CDS2: variants seen among roughly 807,000 people sequenced by gnomAD.
CDS2 encodes the protein CDP-diacylglycerol synthase 2.
CDS2 carries 47 observed loss-of-function variants against 59.0 expected under a neutral mutation model. The observed-to-expected ratio is 0.80, with a 90% CI of 0.63 to 1.02. The LOEUF (loss-of-function observed/expected upper bound fraction) is 1.02, where lower values mean the gene tolerates loss of function less well. CDS2 is among the 50% of genes least tolerant of loss of function. The probability of loss-of-function intolerance (pLI) is 0.00; values close to 1 mark genes in which losing one functional copy is unlikely to be tolerated. For missense variants in CDS2, 356 were observed against 558.9 expected, an observed-to-expected ratio of 0.64 and a Z score of 3.66; for synonymous variants, 207 against 206.4, an observed-to-expected ratio of 1.00 and a Z score of -0.02.
intron 1 of CDS2, among the ~76,000 whole-genome samples, chr20:5,136,400 G>A (rs533797842): frequency 6.6e-6 from 1 of 152,314 alleles, no homozygotes; most frequent in South Asian, 2.1e-4. Flanking sequence ...CTAACCAGGT[G>A]TGACTTGGAA....
In CDS2 at chr20:5,134,763, T is replaced by C. The variant is rs1184000778; in HGVS notation, c.57+7614T>C. Among the ~76,000 whole-genome samples, 26 of 152,272 alleles carry C rather than the reference T, an allele frequency of 1.7e-4. No individual in the cohort carries two copies. The East Asian group carries it at 4.8e-3, about 28-fold the overall frequency. On this transcript the variant is annotated intron_variant, in intron 1 of 12. Transcript: ENST00000460006. ...CTCAAATTCCTGACTTCAGGTGATC[T>C]GCCTGCCTTGGCCTTCTACAATGCT...
At chr20:5,141,053 C>A (rs1163001721) in intron 1 of CDS2, among the ~76,000 whole-genome samples, 1 of 152,216 alleles carries the variant, frequency 6.6e-6, no homozygotes, top group African/African-American at 2.4e-5. Flanking sequence ...AATAAAATCT[C>A]CCTCTCTGAC....
rs2123085300 is a variant in CDS2, at chr20:5,196,610, A to G, written c.*6376A>G. 1 of 152,306 alleles carries G rather than the reference A, an allele frequency of 6.6e-6. No homozygotes were observed. Among genetic ancestry groups the G allele is most frequent in the African/African-American group, 2.4e-5 (1 of 41,564 alleles). 9.4% of individuals were successfully genotyped at this position (152,306 alleles called of 1,614,324 possible). Reference sequence around the variant, plus strand: ...GATGCCTTTTTTTGACACCTGCGCTAGGTTCTTGTATGCTGGCTTTTCTTA... The same window carrying G: ...GATGCCTTTTTTTGACACCTGCGCTGGGTTCTTGTATGCTGGCTTTTCTTA... On this transcript the variant is annotated 3_prime_UTR_variant, in exon 13 of 13. Transcript: ENST00000460006.
chr20:5,179,042 T>C (rs1391807245), intron 5 of CDS2, 86 bp downstream of exon 5: 1 of 1,342,396 alleles, frequency 7.4e-7, no homozygotes, highest in African/African-American at 1.4e-5. Context: ...TCTTGGTTAG[T>C]ATACAGTTTT....
chr20:5,185,753 C>T lies in CDS2; in HGVS notation c.760-5C>T. 6.2e-7 allele frequency: 1 copy of T among 1,614,102 alleles called. No homozygotes were observed. The highest frequency in any genetic ancestry group is 8.5e-7 in the Non-Finnish European group (1 of 1,179,926). ...CTTTGCTGAGAACTTGCTCTCTGTC[C>T]ACAGCTGTCCCCGAAGAAGACCTGG... On this transcript the variant is annotated splice_region_variant and splice_polypyrimidine_tract_variant and intron_variant, in intron 8 of 12. Coordinates refer to ENST00000460006, the MANE Select transcript of CDS2 (RefSeq NM_003818.4).
At chr20:5,188,226 C>T (rs1429687098) in intron 10 of CDS2, among the ~76,000 whole-genome samples, 1 of 152,054 alleles carries the variant, frequency 6.6e-6, no homozygotes, top group Non-Finnish European at 1.5e-5. Context: ...GTAAAAGATC[C>T]GTTCAAGTAT....
rs548997682 is a variant in CDS2 at position 5,175,128 on chromosome 20, G to GT, written c.195-48dup. ...CCATATCCCTTGAGTTTGTGCATTG[G>GT]TTTTTTTCTGGGCTCCTAACTGGTG... On this transcript the variant is annotated intron_variant, in intron 2 of 12. Transcript: ENST00000460006. 4,670 of 1,332,138 alleles carry GT rather than the reference G, an allele frequency of 3.5e-3. 12 individuals carry two copies. The highest frequency in any genetic ancestry group is 5.6e-3 in the Middle Eastern group (31 of 5,496). 82.5% of individuals were successfully genotyped at this position (1,332,138 alleles called of 1,614,324 possible).
Position 5,127,016 on chromosome 20 carries a change from G to C in CDS2, c.-77G>C. 1 of 1,381,568 alleles carries C rather than the reference G, an allele frequency of 7.2e-7. No homozygotes were observed. Among genetic ancestry groups the C allele is most frequent in the South Asian group, 1.4e-5 (1 of 69,778 alleles). 85.6% of individuals were successfully genotyped at this position (1,381,568 alleles called of 1,614,324 possible). A position where few individuals can be genotyped will look rare whatever the true frequency, so the allele number is the denominator to read the frequency against. ...GGGGCGGGGCCGGCCGTGGGAGTCC[G>C]CGCGTGCCCGCGCCGAGCTGCCTGC... On this transcript the variant is annotated 5_prime_UTR_variant, in exon 1 of 13. Coordinates refer to ENST00000460006, the MANE Select transcript of CDS2 (RefSeq NM_003818.4).
At chr20:5,153,516 A>C (rs966667570) in intron 1 of CDS2, among the ~76,000 whole-genome samples, 3 of 152,228 alleles carry the variant, frequency 2.0e-5, no homozygotes, top group Non-Finnish European at 4.4e-5. Flanking sequence ...GGTAGGTCTC[A>C]ACCTATAGTT....
At chr20:5,164,296 G>A (rs935516958) in intron 1 of CDS2, among the ~76,000 whole-genome samples, 3 of 152,166 alleles carry the variant, frequency 2.0e-5, no homozygotes, top group African/African-American at 7.2e-5. Flanking sequence ...GCCCCAGGGT[G>A]CTTGTCTGCC....
At chr20:5,177,335 C>T (rs1160243396) in intron 4 of CDS2, among the ~76,000 whole-genome samples, 1 of 151,980 alleles carries the variant, frequency 6.6e-6, no homozygotes. Context: ...TTACTGGTTT[C>T]CAGACTGTGG....
intron 9 of CDS2, 21 bp downstream of exon 9, chr20:5,185,847 G>A (rs1315994940): frequency 1.9e-6 from 3 of 1,612,548 alleles, no homozygotes; most frequent in South Asian, 1.1e-5. Context: ...GCTTTCAGCT[G>A]TGTAAGGGAT....
At chr20:5,179,225 G>A (rs1239809852) in intron 5 of CDS2, among the ~76,000 whole-genome samples, 2 of 151,128 alleles carry the variant, frequency 1.3e-5, no homozygotes, top group African/African-American at 4.9e-5. Flanking sequence ...AAGTTGAAGC[G>A]ATCCTCCCAC....
intron 1 of CDS2, among the ~76,000 whole-genome samples, chr20:5,129,604 G>A (rs1056026535): frequency 2.6e-5 from 4 of 152,034 alleles, no homozygotes; most frequent in Non-Finnish European, 5.9e-5. Context: ...TACCATGCCC[G>A]GCTAATGTTG....
Position 5,191,707 on chromosome 20 carries a change from G to A in CDS2, c.*1473G>A, listed in dbSNP as rs1055192154. 1 of 152,120 alleles carries A rather than the reference G, an allele frequency of 6.6e-6. No individual in the cohort carries two copies. The highest frequency in any genetic ancestry group is 2.4e-5 in the African/African-American group (1 of 41,422). 9.4% of individuals were successfully genotyped at this position (152,120 alleles called of 1,614,324 possible). On this transcript the variant is annotated 3_prime_UTR_variant, in exon 13 of 13. Transcript: ENST00000460006. ...GTGTCCAGCAGAGGATGGAGCCCTC[G>A]GGATGTTTCAGCTCACACATCCTTG...
intron 5 of CDS2, 66 bp downstream of exon 5, chr20:5,179,022 T>C: frequency 6.6e-7 from 1 of 1,510,708 alleles, no homozygotes; most frequent in African/African-American, 1.4e-5. Context: ...CAGGTAGGAA[T>C]TGGGGAATTT....
rs34764405 is a variant in CDS2 at position 5,133,010 on chromosome 20, CA to C, written c.57+5876del. Among the ~76,000 whole-genome samples the C allele has an allele frequency of 6.2e-3, 838 of 135,820 alleles. 3 individuals are homozygous for C. Among genetic ancestry groups the C allele is most frequent in the Middle Eastern group, 0.011 (3 of 270 alleles). The allele number at this position is 135,820 out of a possible 152,430, so 89.1% of individuals were successfully genotyped here. A position where few individuals can be genotyped will look rare whatever the true frequency, so the allele number is the denominator to read the frequency against. On this transcript the variant is annotated intron_variant, in intron 1 of 12. Transcript: ENST00000460006. ...AGACGGCAAAACCCCTTCTCTACTACAAAAAAAAAAAAAAATTAGCTGGGTG... is the reference window on the plus strand; with the variant it reads ...AGACGGCAAAACCCCTTCTCTACTACAAAAAAAAAAAAAATTAGCTGGGTG...
chr20:5,178,612 GCTGT>G (rs763954730), intron 4 of CDS2, among the ~76,000 whole-genome samples: 1 of 152,102 alleles, frequency 6.6e-6, no homozygotes, highest in Non-Finnish European at 1.5e-5. Flanking sequence ...AATGAAAGCT[GCTGT>G]CTGTTTCTAG....
intron 1 of CDS2, among the ~76,000 whole-genome samples, chr20:5,140,781 A>G (rs1436103528): frequency 6.6e-6 from 1 of 152,220 alleles, no homozygotes; most frequent in Non-Finnish European, 1.5e-5. Context: ...AGAAACAACC[A>G]AATACTATGT....
Sources: gnomAD v4.1 joint callset for allele counts (sites outside exome capture counted in the v4.1 genomes callset) on GRCh38, gnomAD v4.1.1 for gene constraint, MANE v1.5 for transcripts, NCBI Gene and HGNC (gene_info 2026-07-23, HGNC 2026-07-21) for gene names.